The following PLAC1 variants were observed in gnomAD, a reference collection of about 807,000 sequenced individuals.
PLAC1 encodes placenta-specific protein 1.
For synonymous variants in PLAC1, 68 were observed against 62.1 expected, an observed-to-expected ratio of 1.09 and a Z score of -0.44; for missense variants, 136 against 163.2, an observed-to-expected ratio of 0.83 and a Z score of 0.91.
At chrX:134,701,321 T>C (rs1229370721) in intron 2 of PLAC1, among the ~76,000 whole-genome samples, 1 of 111,484 alleles carries the variant, frequency 9.0e-6, no homozygotes, top group Non-Finnish European at 1.9e-5. Context: ...CAAGACCACA[T>C]ACTATAAAAA....
At chrX:134,606,708 G>A (rs982031817) in intron 1 of PLAC1, among the ~76,000 whole-genome samples, 4 of 112,068 alleles carry the variant, frequency 3.6e-5, no homozygotes, top group Admixed American at 9.4e-5. Flanking sequence ...CCACTACTGG[G>A]TATCTACCTA....
intron 2 of PLAC1, among the ~76,000 whole-genome samples, chrX:134,688,875 T>C (rs1472361253): frequency 1.8e-5 from 2 of 111,947 alleles, no homozygotes; most frequent in Non-Finnish European, 3.8e-5. Flanking sequence ...CTACCTTTAC[T>C]TGGATGTTTC....
intron 2 of PLAC1, among the ~76,000 whole-genome samples, chrX:134,719,387 A>G (rs1480691466): frequency 1.8e-5 from 2 of 112,438 alleles, no homozygotes; most frequent in African/African-American, 6.5e-5. Flanking sequence ...AAATCAGTCA[A>G]TGTAGTATGC....
chrX:134,596,794 A>G (rs1211877907), intron 2 of PLAC1, among the ~76,000 whole-genome samples: 1 of 109,664 alleles, frequency 9.1e-6, no homozygotes, highest in Non-Finnish European at 1.9e-5. Context: ...ATGGGGTTTC[A>G]CCATGTTGTC....
At chrX:134,585,602 G>C (rs911156709) in intron 2 of PLAC1, among the ~76,000 whole-genome samples, 1 of 111,196 alleles carries the variant, frequency 9.0e-6, no homozygotes, top group Non-Finnish European at 1.9e-5. Flanking sequence ...CAGCTCATGG[G>C]TTAATGAATG....
At chrX:134,590,105 G>A (rs1334380402) in intron 2 of PLAC1, among the ~76,000 whole-genome samples, 1 of 110,328 alleles carries the variant, frequency 9.1e-6, no homozygotes. Context: ...TGAGGCAGGA[G>A]AATTGCTTCA....
chrX:134,672,388 A>C (rs1308926814), intron 2 of PLAC1, among the ~76,000 whole-genome samples: 1 of 111,702 alleles, frequency 9.0e-6, no homozygotes, highest in Non-Finnish European at 1.9e-5. Flanking sequence ...TCAGAAGTCC[A>C]TGAAGCCTGA....
intron 2 of PLAC1, among the ~76,000 whole-genome samples, chrX:134,578,512 TTTC>T (rs1274488170): frequency 1.1e-4 from 6 of 56,459 alleles, no homozygotes; most frequent in Non-Finnish European, 1.3e-4. Flanking sequence ...TCTTTCTTTC[TTTC>T]TTTTTTTTTT....
chrX:134,720,067 A>G (rs1238220960), intron 2 of PLAC1, among the ~76,000 whole-genome samples: 1 of 107,744 alleles, frequency 9.3e-6, no homozygotes, highest in Non-Finnish European at 2.0e-5. Flanking sequence ...AAATATCTCT[A>G]TTTGCAGGTG....
chrX:134,727,819 G>A (rs779389854), intron 2 of PLAC1, among the ~76,000 whole-genome samples: 3 of 111,926 alleles, frequency 2.7e-5, no homozygotes, highest in African/African-American at 9.7e-5. Context: ...AAGGCCTGAT[G>A]TTGGACTTTT....
intron 1 of PLAC1, chrX:134,604,551 C>T (rs758540989): frequency 2.7e-5 from 3 of 112,001 alleles, no homozygotes; most frequent in Admixed American, 9.4e-5. Context: ...TGGAAACTTA[C>T]ATCAGCCATC....
chrX:134,724,954 A>C (rs1255631973), intron 2 of PLAC1, among the ~76,000 whole-genome samples: 1 of 109,985 alleles, frequency 9.1e-6, no homozygotes, highest in African/African-American at 3.3e-5. Flanking sequence ...GTGAGCTGTG[A>C]TCGTGCCACT....
intron 2 of PLAC1, among the ~76,000 whole-genome samples, chrX:134,693,388 G>T (rs1199186396): frequency 8.9e-6 from 1 of 112,377 alleles, no homozygotes; most frequent in African/African-American, 3.2e-5. Flanking sequence ...TAAACCACTT[G>T]CTGTAATAGT....
At chrX:134,720,078 G>C (rs2078653488) in intron 2 of PLAC1, among the ~76,000 whole-genome samples, 1 of 108,132 alleles carries the variant, frequency 9.2e-6, no homozygotes, top group African/African-American at 3.3e-5. Flanking sequence ...TTTGCAGGTG[G>C]CACAACCTTA....
At chrX:134,627,268 T>C (rs1189980906) in intron 1 of PLAC1, among the ~76,000 whole-genome samples, 1 of 111,996 alleles carries the variant, frequency 8.9e-6, no homozygotes, top group Non-Finnish European at 1.9e-5. Flanking sequence ...GCTTTTTGAT[T>C]ACACTTTTGA....
chrX:134,580,462 C>T, intron 2 of PLAC1, among the ~76,000 whole-genome samples: 1 of 111,978 alleles, frequency 8.9e-6, no homozygotes, highest in Non-Finnish European at 1.9e-5. Flanking sequence ...ATTAAAGACA[C>T]AAAGGTCATA....
chrX:134,744,443 C>G (rs1007421426), intron 1 of PLAC1, among the ~76,000 whole-genome samples: 1 of 111,647 alleles, frequency 9.0e-6, no homozygotes, highest in South Asian at 3.8e-4. Context: ...ACCCACATAG[C>G]CTTGGGGACT....
At chrX:134,753,136 A>T (rs2078748534) in intron 1 of PLAC1, among the ~76,000 whole-genome samples, 1 of 111,810 alleles carries the variant, frequency 8.9e-6, no homozygotes, top group African/African-American at 3.3e-5. Flanking sequence ...TTATGTTGCT[A>T]GGTAAACATA....
At chrX:134,741,563 C>G (rs1158711749) in intron 1 of PLAC1, among the ~76,000 whole-genome samples, 3 of 110,489 alleles carry the variant, frequency 2.7e-5, no homozygotes, top group Non-Finnish European at 5.7e-5. Context: ...AACTGTGACC[C>G]CTTTGTGGTA....
Sources: allele counts gnomAD v4.1 joint callset (sites outside exome capture counted in the v4.1 genomes callset), GRCh38; gene constraint gnomAD v4.1.1; transcripts MANE v1.5; gene names NCBI Gene and HGNC (gene_info 2026-07-23, HGNC 2026-07-21).